TTN: variants seen among roughly 807,000 people sequenced by gnomAD.
The protein encoded by TTN is titin.
TTN carries 1,525 observed loss-of-function variants against 3,223.0 expected under a neutral mutation model. The ratio of observed to expected loss-of-function variants is 0.47; its 90% CI spans 0.45 to 0.49. The LOEUF (loss-of-function observed/expected upper bound fraction) is 0.49. TTN is among the 20% of genes least tolerant of loss of function. The pLI is 0.00. For synonymous variants in TTN, 14,094 were observed against 15,161.0 expected (o/e 0.93, Z 5.17); for missense variants, 40,786 against 43,424.0 (o/e 0.94, Z 5.40).
rs765142245 is a variant in TTN at position 178,776,524 on chromosome 2, A to G, written c.5340T>C (p.Thr1780=). The change falls in exon 28 of 363, where the codon ACT becomes ACC. Residue 1780 remains threonine (T), a synonymous_variant. Transcript: ENST00000589042. ...RDSGIITCRA[T]NKYGTDHTSA... is the part of the protein sequence containing the mutation. ...ATGTGTGATCTGTTCCATATTTGTT[A>G]GTGGCTCTGCAAGTAATGATACCAC... 1 of 1,609,944 alleles carries G rather than the reference A, an allele frequency of 6.2e-7. No individual in the cohort carries two copies. The highest frequency in any genetic ancestry group is 1.3e-5 in the African/African-American group (1 of 75,060).
rs186512181 is a variant in TTN at position 178,711,326 on chromosome 2, A to G, written c.27910T>C (p.Ser9304Pro). The G allele has an allele frequency of 6.2e-7, 1 of 1,607,252 alleles. No homozygotes were observed. Among genetic ancestry groups the G allele is most frequent in the East Asian group, 2.2e-5 (1 of 44,796 alleles). The part of the protein sequence containing the change: ...VQEQKLPPSF[S>P]RQLRDVQETV... ...TCTTGAACATCTCTCAATTGTCGAG[A>G]AAATGATGGTGGAAGTTTTTGCTCT... Residue 9304 changes from serine to proline, a missense_variant, in exon 97 of 363, where the codon TCT (serine) becomes CCT (proline). By Grantham distance (74) the Ser-to-Pro change is moderately conservative (BLOSUM62 -1). Coordinates refer to ENST00000589042, the MANE Select transcript of TTN (RefSeq NM_001267550.2).
chr2:178,723,351 A>G lies in TTN; in HGVS notation c.21683-27T>C, dbSNP rs576830934. Reference sequence around the variant, plus strand: ...TAGTAAGTGACAAAGCACAGCAGTTAAACACAAGAAAAACACAAGGATGTC... The same window carrying G: ...TAGTAAGTGACAAAGCACAGCAGTTGAACACAAGAAAAACACAAGGATGTC... On this transcript the variant is annotated intron_variant, in intron 74 of 362. Transcript: ENST00000589042. The G allele has an allele frequency of 8.7e-6, 14 of 1,605,182 alleles. No homozygotes were observed. In the East Asian group the frequency reaches 3.1e-4, roughly 36 times the overall value.
In TTN at chr2:178,577,766, G is replaced by A. The variant is rs2046762704; in HGVS notation, c.68660C>T (p.Ser22887Phe). Residue 22887 changes from serine (S) to phenylalanine (F), a missense_variant, in exon 323 of 363, where the codon TCT (serine) becomes TTT (phenylalanine). Coordinates refer to ENST00000589042, the MANE Select transcript of TTN (RefSeq NM_001267550.2). Reference sequence around the variant, plus strand: ...ATTAACATGGTTGGCTTTCATCCAAGACTTCGAAGGTAGATCTCGCTTCTC... The same window carrying A: ...ATTAACATGGTTGGCTTTCATCCAAAACTTCGAAGGTAGATCTCGCTTCTC... ...IVEKRDLPSKSWMKANHVNVP... is the reference protein window; with the variant it reads ...IVEKRDLPSKFWMKANHVNVP... 1 of 1,613,140 alleles carries A rather than the reference G, an allele frequency of 6.2e-7. No individual in the cohort carries two copies. The highest frequency in any genetic ancestry group is 1.3e-5 in the African/African-American group (1 of 74,874).
chr2:178,558,943 T>G (rs1051905367), intron 326 of TTN: 32 of 402,670 alleles, frequency 7.9e-5, no homozygotes, highest in Non-Finnish European at 1.3e-4. Context: ...TTTAAAAAAC[T>G]TTATATACAA....
Position 178,734,349 on chromosome 2 carries a change from T to G in TTN, c.15475A>C (p.Met5159Leu). The change falls in exon 52 of 363, where the codon ATG becomes CTG. Residue 5159 changes from methionine (M) to leucine (L), a missense_variant. Physicochemically the swap from Met to Leu is conservative, Grantham distance 15. Transcript: ENST00000589042. ...TAACCTTTGAGTAAGTGGGTTGCCATGCAGCCACACTTGCCGACTTCATTA... is the reference window on the plus strand; with the variant it reads ...TAACCTTTGAGTAAGTGGGTTGCCAGGCAGCCACACTTGCCGACTTCATTA... The part of the protein sequence containing the change: ...VANEVGKCGC[M>L]ATHLLKEPPT... The G allele has an allele frequency of 6.2e-7, 1 of 1,600,894 alleles. No individual in the cohort carries two copies. Among genetic ancestry groups the G allele is most frequent in the Non-Finnish European group, 8.5e-7 (1 of 1,171,938 alleles).
At chr2:178,761,284 G>C (rs1201574287) in intron 43 of TTN, among the ~76,000 whole-genome samples, 1 of 151,992 alleles carries the variant, frequency 6.6e-6, no homozygotes, top group Non-Finnish European at 1.5e-5. Flanking sequence ...CCCTATCACA[G>C]TATCACTTCT....
chr2:178,548,654 G>A lies in TTN; in HGVS notation c.92972C>T (p.Ala30991Val). The A allele has an allele frequency of 6.2e-7, 1 of 1,613,880 alleles. No homozygotes were observed. The highest frequency in any genetic ancestry group is 1.1e-5 in the South Asian group (1 of 91,078). Residue 30991 changes from alanine (A) to valine (V), a missense_variant, in exon 339 of 363, where the codon GCA becomes GTA. Ala to Val is a moderately conservative substitution (Grantham distance 64, BLOSUM62 0). Transcript: ENST00000589042. This position sits in a 1 kb window ranked among gnomAD's most constrained non-coding sequence, Gnocchi z 4.3. The part of the protein sequence containing the change: ...LTVENCNRND[A>V]GKYTLTVENN... ...TTCCACAGTAAGGGTATATTTCCCT[G>A]CATCATTTCTGTTGCAGTTTTCCAC... is the stretch of plus-strand genomic sequence containing the variant.
chr2:178,541,231 C>A, intron 350 of TTN, 51 bp downstream of exon 350: 1 of 1,418,368 alleles, frequency 7.1e-7, no homozygotes. Flanking sequence ...GTGAATTTTC[C>A]CACATATAAA....
Position 178,632,142 on chromosome 2 carries a change from CT to C in TTN, c.43747+4del. On this transcript the variant is annotated splice_donor_region_variant and intron_variant, in intron 236 of 362. Coordinates refer to ENST00000589042, the MANE Select transcript of TTN (RefSeq NM_001267550.2). ...CAGTAAAATTAAAATTTAAAAAGCACTTACCAAGCACAGTGAGTTTAGCTTC... is the reference window on the plus strand; with the variant it reads ...CAGTAAAATTAAAATTTAAAAAGCACTACCAAGCACAGTGAGTTTAGCTTC... 1 of 1,575,698 alleles carries C rather than the reference CT, an allele frequency of 6.3e-7. No individual in the cohort carries two copies. Among genetic ancestry groups the C allele is most frequent in the Non-Finnish European group, 8.6e-7 (1 of 1,161,756 alleles).
chr2:178,759,535 G>A (rs961391176), intron 43 of TTN, among the ~76,000 whole-genome samples: 1 of 152,164 alleles, frequency 6.6e-6, no homozygotes, highest in Admixed American at 6.5e-5. Flanking sequence ...AGAGTCATCA[G>A]GAAAGGTTTG....
chr2:178,677,582 C>A, intron 146 of TTN, 39 bp downstream of exon 146: 2 of 1,558,434 alleles, frequency 1.3e-6, no homozygotes, highest in Non-Finnish European at 1.7e-6. Flanking sequence ...GAATTCAACA[C>A]AAAAGAGGCC....
intron 47 of TTN, chr2:178,750,497 T>A: frequency 1.2e-6 from 2 of 1,612,878 alleles, no homozygotes; most frequent in Non-Finnish European, 1.7e-6. Flanking sequence ...AGGATATCCT[T>A]GAAAATGACA....
intron 34 of TTN, chr2:178,770,895 T>A: frequency 1.2e-6 from 1 of 813,778 alleles, no homozygotes. Flanking sequence ...TATGCTTTAG[T>A]AGTATGAAGT....
intron 34 of TTN, 112 bp downstream of exon 34, chr2:178,771,099 T>G (rs916454017): frequency 1.3e-6 from 2 of 1,523,344 alleles, no homozygotes; most frequent in African/African-American, 1.4e-5. Flanking sequence ...CTAGAATGAC[T>G]TTATGAAATG....
In TTN at chr2:178,547,321, G is replaced by C. The variant is rs761402182; in HGVS notation, c.94220-16C>G. On this transcript the variant is annotated splice_polypyrimidine_tract_variant and intron_variant, in intron 339 of 362. Coordinates refer to ENST00000589042, the MANE Select transcript of TTN (RefSeq NM_001267550.2). ...CTTGGTGGGACTAAATATAAACAAA[G>C]GTATTAAGTATGAATACAATTTTAT... The C allele has an allele frequency of 1.9e-6, 3 of 1,589,386 alleles. No homozygotes were observed. Among genetic ancestry groups the C allele is most frequent in the Non-Finnish European group, 2.6e-6 (3 of 1,169,008 alleles).
chr2:178,782,957 G>A lies in TTN; in HGVS notation c.2949C>T (p.Ile983=), dbSNP rs56310516. 3,653 of 1,614,098 alleles carry A rather than the reference G, an allele frequency of 2.3e-3. 70 individuals are homozygous for A. In the African/African-American group the frequency reaches 0.041, roughly 18 times the overall value. The part of the protein sequence containing the change: ...TVTWYREDYQ[I]ESSIDFQITF... Reference sequence around the variant, plus strand: ...TTATCTGGAAGTCAATGGAACTTTCGATTTGGTAGTCTTCCCTGTACCATG... The same window carrying A: ...TTATCTGGAAGTCAATGGAACTTTCAATTTGGTAGTCTTCCCTGTACCATG... Residue 983 remains isoleucine (I), a synonymous_variant, in exon 18 of 363, where the codon ATC becomes ATT. Coordinates refer to ENST00000589042, the MANE Select transcript of TTN (RefSeq NM_001267550.2).
chr2:178,630,016 T>C (rs985274767), intron 239 of TTN, among the ~76,000 whole-genome samples: 1 of 152,090 alleles, frequency 6.6e-6, no homozygotes, highest in African/African-American at 2.4e-5. Context: ...AAAATCTGAT[T>C]TGCTAAATTT....
At position 178,574,930 on chromosome 2, in the gene TTN, G is replaced by C. The variant is rs780536082; in HGVS notation, c.71202C>G (p.Ile23734Met). 6.2e-7 allele frequency: 1 copy of C among 1,612,796 alleles called. No homozygotes were observed. Among genetic ancestry groups the C allele is most frequent in the African/African-American group, 1.3e-5 (1 of 74,890 alleles). The change falls in exon 326 of 363, where the codon ATC (isoleucine) becomes ATG (methionine). Residue 23734 changes from isoleucine to methionine, a missense_variant. Ile to Met is a conservative substitution (Grantham distance 10). Coordinates refer to ENST00000589042, the MANE Select transcript of TTN (RefSeq NM_001267550.2). ...HDIPGPPTGPIKFDEVSSDFV... is the reference protein window; with the variant it reads ...HDIPGPPTGPMKFDEVSSDFV... Reference sequence around the variant, plus strand: ...AATCAGATGAAACTTCATCAAATTTGATTGGTCCAGTAGGTGGCCCTGGGA... The same window carrying C: ...AATCAGATGAAACTTCATCAAATTTCATTGGTCCAGTAGGTGGCCCTGGGA...
Position 178,802,330 on chromosome 2 carries a change from G to T in TTN, c.103C>A (p.Pro35Thr), listed in dbSNP as rs779420414. Reference sequence around the variant, plus strand: ...CCATCCCTAAACCAGCTCACCTCAGGAACTGGAAAACCTGAAGAGCAAGAA... The same window carrying T: ...CCATCCCTAAACCAGCTCACCTCAGTAACTGGAAAACCTGAAGAGCAAGAA... Reference protein sequence around the residue: ...FEAHISGFPVPEVSWFRDGQV... With the variant: ...FEAHISGFPVTEVSWFRDGQV... The change falls in exon 3 of 363, where the codon CCT becomes ACT. Residue 35 changes from proline (P) to threonine (T), a missense_variant. Transcript: ENST00000589042. 6.2e-7 allele frequency: 1 copy of T among 1,613,884 alleles called. No homozygotes were observed. Among genetic ancestry groups the T allele is most frequent in the African/African-American group, 1.3e-5 (1 of 74,926 alleles).
Sources: allele counts gnomAD v4.1 joint callset (sites outside exome capture counted in the v4.1 genomes callset), GRCh38; gene constraint gnomAD v4.1.1; non-coding constraint Gnocchi (gnomAD v3.1); transcripts MANE v1.5; gene names NCBI Gene and HGNC (gene_info 2026-07-23, HGNC 2026-07-21).